Variants in MID1 observed in about 807,000 individuals in gnomAD.
The protein encoded by MID1 is E3 ubiquitin-protein ligase Midline-1.
A neutral mutation model predicts 40.4 loss-of-function variants in MID1; 7 were observed. The observed-to-expected ratio is 0.17, with a 90% CI of 0.10 to 0.33. MID1 has a LOEUF of 0.33. Among genes scored for constraint, MID1 ranks in the 10% least tolerant of loss-of-function variants. The pLI is 1.00. For synonymous variants in MID1, 229 were observed against 221.2 expected, an observed-to-expected ratio of 1.04 and a Z score of -0.31; for missense variants, 367 against 558.5, an observed-to-expected ratio of 0.66 and a Z score of 3.46.
intron 1 of MID1, among the ~76,000 whole-genome samples, chrX:10,787,875 T>G (rs1475339031): frequency 9.0e-6 from 1 of 110,664 alleles, no homozygotes; most frequent in Non-Finnish European, 1.9e-5. Context: ...GACCTCTGAT[T>G]GACTCTTATT....
chrX:10,728,811 G>A (rs776875278), intron 1 of MID1, among the ~76,000 whole-genome samples: 47 of 111,633 alleles, frequency 4.2e-4, no homozygotes, highest in Non-Finnish European at 1.3e-4. Flanking sequence ...CCCTCTACCC[G>A]GTTTTCCACA....
intron 2 of MID1, among the ~76,000 whole-genome samples, chrX:10,530,973 C>G (rs1025672514): frequency 2.7e-5 from 3 of 112,019 alleles, no homozygotes; most frequent in Non-Finnish European, 5.6e-5. Context: ...AATGCTTGCT[C>G]TTATTCCGAA....
At chrX:10,652,452 T>C (rs1176551169) in intron 1 of MID1, among the ~76,000 whole-genome samples, 2 of 112,017 alleles carry the variant, frequency 1.8e-5, no homozygotes, top group Non-Finnish European at 3.8e-5. Context: ...CCTCTCTTCC[T>C]GTCCTTCTGC....
chrX:10,448,066 A>G lies in MID1; in HGVS notation c.*1302T>C, dbSNP rs970709432. The G allele has an allele frequency of 9.1e-6, 1 of 110,483 alleles. No individual in the cohort carries two copies. Among genetic ancestry groups the G allele is most frequent in the Non-Finnish European group, 1.9e-5 (1 of 52,941 alleles). The allele number at this position is 110,483 out of a possible 1,213,427, so 9.1% of individuals were successfully genotyped here. On this transcript the variant is annotated 3_prime_UTR_variant, in exon 10 of 10. Coordinates refer to ENST00000317552, the MANE Select transcript of MID1 (RefSeq NM_000381.4). ...ATCAGATTGGCATGCAAAGAATCCCAGCTGACATTTTATAAGCAGGTTCCT... is the reference window on the plus strand; with the variant it reads ...ATCAGATTGGCATGCAAAGAATCCCGGCTGACATTTTATAAGCAGGTTCCT...
chrX:10,651,314 G>C (rs1371269345), intron 1 of MID1, among the ~76,000 whole-genome samples: 1 of 111,816 alleles, frequency 8.9e-6, no homozygotes, highest in Non-Finnish European at 1.9e-5. Flanking sequence ...CACTTAGATA[G>C]CAAGGGGTTA....
intron 1 of MID1, among the ~76,000 whole-genome samples, chrX:10,778,347 A>C (rs749038690): frequency 3.6e-5 from 4 of 110,924 alleles, no homozygotes; most frequent in Non-Finnish European, 7.5e-5. Context: ...TTGACCAAAA[A>C]GTCATTATAT....
chrX:10,669,230 TAAAAAAAAAAAAA>T (rs761817483), intron 1 of MID1, among the ~76,000 whole-genome samples: 1 of 47,019 alleles, frequency 2.1e-5, no homozygotes, highest in Non-Finnish European at 4.1e-5. Flanking sequence ...CGTCTCAAAA[TAAAAAAAAAAAAA>T]AAAAAAAAAA....
chrX:10,577,507 AT>A (rs1331355432), intron 1 of MID1, among the ~76,000 whole-genome samples: 1 of 111,685 alleles, frequency 9.0e-6, no homozygotes, highest in East Asian at 2.8e-4. Flanking sequence ...AAGAACAGTC[AT>A]TTATTTCTTC....
At chrX:10,682,748 A>G (rs2043068351) in intron 1 of MID1, among the ~76,000 whole-genome samples, 1 of 111,964 alleles carries the variant, frequency 8.9e-6, no homozygotes, top group Non-Finnish European at 1.9e-5. Context: ...GATCATTAAT[A>G]TTTTAAAAAA....
intron 1 of MID1, among the ~76,000 whole-genome samples, chrX:10,766,717 T>G (rs1311201647): frequency 9.1e-6 from 1 of 109,962 alleles, no homozygotes; most frequent in Admixed American, 9.7e-5. Context: ...GCCAGGAACT[T>G]GAGACCAGCC....
chrX:10,494,228 T>G (rs1931109502), intron 4 of MID1, among the ~76,000 whole-genome samples: 1 of 112,129 alleles, frequency 8.9e-6, no homozygotes, highest in Non-Finnish European at 1.9e-5. Flanking sequence ...TATAAATATT[T>G]TGTAATCTAT....
intron 1 of MID1, among the ~76,000 whole-genome samples, chrX:10,704,153 C>T (rs922254389): frequency 5.4e-5 from 6 of 111,923 alleles, no homozygotes; most frequent in African/African-American, 1.9e-4. Context: ...AGCCCAATCC[C>T]TCTCCCTACC....
chrX:10,583,098 T>C (rs1935055551), intron 1 of MID1, among the ~76,000 whole-genome samples: 1 of 111,809 alleles, frequency 8.9e-6, no homozygotes, highest in Non-Finnish European at 1.9e-5. Flanking sequence ...TACTCTTTCA[T>C]TCCACTGGTA....
At chrX:10,731,873 T>A (rs1275640937) in intron 1 of MID1, among the ~76,000 whole-genome samples, 4 of 103,512 alleles carry the variant, frequency 3.9e-5, no homozygotes, top group African/African-American at 1.4e-4. Context: ...GGCAGGAGAA[T>A]CGCTTGAATC....
chrX:10,820,575 TAGTC>T (rs1414647337), intron 1 of MID1, among the ~76,000 whole-genome samples: 1 of 111,198 alleles, frequency 9.0e-6, no homozygotes, highest in East Asian at 2.8e-4. Context: ...ACTTTAAAAA[TAGTC>T]AGTAGATTCC....
intron 1 of MID1, among the ~76,000 whole-genome samples, chrX:10,817,542 T>TTCTTTC (rs1555927194): frequency 2.9e-5 from 3 of 102,316 alleles, no homozygotes; most frequent in Non-Finnish European, 4.0e-5. Flanking sequence ...CTTTCTTTCT[T>TTCTTTC]TCTTTCTTTC....
chrX:10,462,899 T>C (rs1929133954), intron 7 of MID1, among the ~76,000 whole-genome samples: 1 of 112,082 alleles, frequency 8.9e-6, no homozygotes. Context: ...CCTTCTCCTC[T>C]GTAAAAATAG....
At chrX:10,544,671 A>G (rs1203421846) in intron 2 of MID1, among the ~76,000 whole-genome samples, 1 of 112,114 alleles carries the variant, frequency 8.9e-6, no homozygotes, top group African/African-American at 3.2e-5. Flanking sequence ...ATTTAACAGT[A>G]GAAATATATA....
intron 4 of MID1, among the ~76,000 whole-genome samples, chrX:10,487,395 A>T (rs1414304996): frequency 8.9e-6 from 1 of 112,121 alleles, no homozygotes; most frequent in Non-Finnish European, 1.9e-5. Context: ...GTGCTAATAC[A>T]TATCACCCTA....
Sources: allele counts gnomAD v4.1 joint callset (sites outside exome capture counted in the v4.1 genomes callset), GRCh38; gene constraint gnomAD v4.1.1; transcripts MANE v1.5; gene names NCBI Gene and HGNC (gene_info 2026-07-23, HGNC 2026-07-21).